Variants in WNT9B observed in about 807,000 individuals in gnomAD.
WNT9B encodes the protein protein Wnt-9b.
In WNT9B, 12 loss-of-function variants were observed where a neutral mutation model predicts 30.2. The ratio of observed to expected loss-of-function variants is 0.40; its 90% CI spans 0.26 to 0.64. WNT9B has a LOEUF of 0.64. WNT9B is among the 30% of genes least tolerant of loss of function. The pLI, the probability that WNT9B is intolerant of heterozygous loss-of-function variation, is 0.42. For synonymous variants in WNT9B, 218 were observed against 216.9 expected, an observed-to-expected ratio of 1.01 and a Z score of -0.05; for missense variants, 442 against 485.2, an observed-to-expected ratio of 0.91 and a Z score of 0.84.
intron 1 of WNT9B, among the ~76,000 whole-genome samples, chr17:46,841,238 A>G (rs1431551074): frequency 6.6e-6 from 1 of 152,154 alleles, no homozygotes; most frequent in Middle Eastern, 3.2e-3. Flanking sequence ...CTTTCTCCCT[A>G]TTTACAGTCG....
At chr17:46,852,297 G>A (rs964747759) in intron 1 of WNT9B, among the ~76,000 whole-genome samples, 2 of 152,198 alleles carry the variant, frequency 1.3e-5, no homozygotes, top group African/African-American at 4.8e-5. Flanking sequence ...TGGAGACGCA[G>A]GAAGGAACCG....
downstream of WNT9B, among the ~76,000 whole-genome samples, chr17:46,881,777 T>G (rs1267332101): frequency 6.6e-6 from 1 of 152,256 alleles, no homozygotes; most frequent in Non-Finnish European, 1.5e-5. Flanking sequence ...ATGTGCTTTC[T>G]GTCTTTGCAT....
chr17:46,883,180 C>T (rs1190105659), downstream of WNT9B, among the ~76,000 whole-genome samples: 1 of 151,938 alleles, frequency 6.6e-6, no homozygotes, highest in East Asian at 1.9e-4. Flanking sequence ...GACGGGGTTT[C>T]ACCACGTTAG....
chr17:46,848,083 A>G (rs1265181568), upstream of WNT9B, among the ~76,000 whole-genome samples: 2 of 152,034 alleles, frequency 1.3e-5, no homozygotes, highest in Non-Finnish European at 2.9e-5. Context: ...AGGTAGCTGC[A>G]TGTGGATATC....
At chr17:46,881,950 A>G (rs1302869583), downstream of WNT9B, among the ~76,000 whole-genome samples, 1 of 152,156 alleles carries the variant, frequency 6.6e-6, no homozygotes, top group Non-Finnish European at 1.5e-5. Context: ...TATCTACTAC[A>G]TAGTCCATAT....
intron 1 of WNT9B, among the ~76,000 whole-genome samples, chr17:46,835,367 A>T (rs2084615510): frequency 6.6e-6 from 1 of 152,048 alleles, no homozygotes; most frequent in Non-Finnish European, 1.5e-5. Context: ...ACCCGCCACC[A>T]CGCCCAGCTA....
chr17:46,848,035 C>T (rs956342214), upstream of WNT9B, among the ~76,000 whole-genome samples: 4 of 151,942 alleles, frequency 2.6e-5, no homozygotes, highest in African/African-American at 9.7e-5. Context: ...AGGGCTCCAG[C>T]CCTGAGCGCT....
At chr17:46,836,486 A>G (rs924286712) in intron 1 of WNT9B, among the ~76,000 whole-genome samples, 22 of 152,310 alleles carry the variant, frequency 1.4e-4, no homozygotes, top group African/African-American at 5.1e-4. Flanking sequence ...GTTTTTTTAC[A>G]CTGATAAGAG....
chr17:46,852,169 G>A (rs1048203442), intron 1 of WNT9B, among the ~76,000 whole-genome samples: 12 of 152,218 alleles, frequency 7.9e-5, no homozygotes, highest in Non-Finnish European at 1.3e-4. Flanking sequence ...TTCGCCCTGC[G>A]GAGCGGAGAC....
chr17:46,882,717 C>G (rs985631857), downstream of WNT9B, among the ~76,000 whole-genome samples: 3 of 152,130 alleles, frequency 2.0e-5, no homozygotes, highest in African/African-American at 7.2e-5. Context: ...TTCTTGCAAC[C>G]GATCATGCAG....
chr17:46,858,074 C>T (rs189195687), intron 1 of WNT9B, among the ~76,000 whole-genome samples: 12 of 152,312 alleles, frequency 7.9e-5, no homozygotes, highest in Admixed American at 5.9e-4. Context: ...GGACTACAGG[C>T]ATGCGCCACC....
chr17:46,881,655 T>C (rs1243448879), downstream of WNT9B, among the ~76,000 whole-genome samples: 1 of 152,114 alleles, frequency 6.6e-6, no homozygotes, highest in East Asian at 1.9e-4. Flanking sequence ...CGCAGACCCC[T>C]CCACCTCCAG....
chr17:46,872,432 AGCCCCTGAGGAG>A, intron 1 of WNT9B, 73 bp from the exon 2 acceptor site: 2 of 1,395,894 alleles, frequency 1.4e-6, no homozygotes, highest in Non-Finnish European at 1.9e-6. Context: ...CAGTAAATGA[AGCCCCTGAGGAG>A]GCCCCTTCCC....
intron 1 of WNT9B, among the ~76,000 whole-genome samples, chr17:46,841,548 G>A (rs955608828): frequency 1.3e-5 from 2 of 152,260 alleles, no homozygotes; most frequent in Non-Finnish European, 2.9e-5. Context: ...AATTGAGAGC[G>A]GGTTAAGGTG....
chr17:46,868,311 G>A (rs923581393), intron 1 of WNT9B, among the ~76,000 whole-genome samples: 2 of 152,176 alleles, frequency 1.3e-5, no homozygotes, highest in African/African-American at 4.8e-5. Context: ...CCCATATTTG[G>A]CTGGGCGTGG....
At chr17:46,866,595 C>A (rs1473905447) in intron 1 of WNT9B, among the ~76,000 whole-genome samples, 1 of 152,090 alleles carries the variant, frequency 6.6e-6, no homozygotes, top group African/African-American at 2.4e-5. Flanking sequence ...AGCCTGTTAT[C>A]AGGAGCATCT....
At chr17:46,870,612 A>G (rs2146594998) in intron 1 of WNT9B, among the ~76,000 whole-genome samples, 1 of 152,228 alleles carries the variant, frequency 6.6e-6, no homozygotes, top group East Asian at 1.9e-4. Context: ...ATGGGTGTGG[A>G]ATCTACAGGT....
chr17:46,876,808 T>C lies in WNT9B; in HGVS notation c.*90T>C. ...AGCCGGCCCTCTGGGCAGACTGTCA[T>C]CACATGCATGCATAAACCGGCATGT... On this transcript the variant is annotated 3_prime_UTR_variant, in exon 4 of 4. Transcript: ENST00000290015. The C allele has an allele frequency of 6.9e-7, 1 of 1,450,848 alleles. No individual in the cohort carries two copies. 89.9% of individuals were successfully genotyped at this position (1,450,848 alleles called of 1,614,324 possible).
At chr17:46,883,574 T>C (rs1292842461), downstream of WNT9B, among the ~76,000 whole-genome samples, 2 of 152,208 alleles carry the variant, frequency 1.3e-5, no homozygotes, top group Admixed American at 6.5e-5. Context: ...CGTGAGCCAC[T>C]GTGCCTGGCC....
Sources: allele counts gnomAD v4.1 joint callset (sites outside exome capture counted in the v4.1 genomes callset), GRCh38; gene constraint gnomAD v4.1.1; transcripts MANE v1.5; gene names NCBI Gene and HGNC (gene_info 2026-07-23, HGNC 2026-07-21).